PPP1R14C: variants seen among roughly 807,000 people sequenced by gnomAD.
PPP1R14C encodes protein phosphatase 1 regulatory subunit 14C.
PPP1R14C carries 16 observed loss-of-function variants against 20.4 expected under a neutral mutation model. The observed-to-expected ratio is 0.78, with a 90% CI of 0.53 to 1.19. The LOEUF is 1.19. Among genes scored for constraint, PPP1R14C ranks in the 50% most tolerant of loss-of-function variants. The pLI, the probability that PPP1R14C is intolerant of heterozygous loss-of-function variation, is 0.00. For synonymous variants in PPP1R14C, 91 were observed against 91.0 expected, an observed-to-expected ratio of 1.00 and a Z score of 0.00; for missense variants, 211 against 220.1, an observed-to-expected ratio of 0.96 and a Z score of 0.26.
At chr6:150,152,622 C>T (rs1191524053) in intron 1 of PPP1R14C, among the ~76,000 whole-genome samples, 1 of 151,998 alleles carries the variant, frequency 6.6e-6, no homozygotes, top group Non-Finnish European at 1.5e-5. Flanking sequence ...CTAGCTTGCA[C>T]CTGTTCTTAG....
At chr6:150,200,842 C>A (rs552364888) in intron 1 of PPP1R14C, among the ~76,000 whole-genome samples, 1 of 152,132 alleles carries the variant, frequency 6.6e-6, no homozygotes, top group East Asian at 1.9e-4. Context: ...TGAAAGCTGT[C>A]GTCATCCTCT....
chr6:150,143,226 G>C lies in PPP1R14C; in HGVS notation c.34G>C (p.Gly12Arg). 7.3e-7 allele frequency: 1 copy of C among 1,370,176 alleles called. No homozygotes were observed. Among genetic ancestry groups the C allele is most frequent in the South Asian group, 1.7e-5 (1 of 57,606 alleles). 84.9% of individuals were successfully genotyped at this position (1,370,176 alleles called of 1,614,324 possible). ...GGCGACGGGCAGCAGCGAGACGGCC[G>C]GCGGGGCCAGCGGCGGCGGCGCACG... ...SVATGSSETA[G>R]GASGGGARVF... Residue 12 changes from glycine to arginine, a missense_variant, in exon 1 of 4, where the codon GGC (glycine) becomes CGC (arginine). Transcript: ENST00000361131. This position sits in a 1 kb window ranked among gnomAD's most constrained non-coding sequence, Gnocchi z 5.6.
Position 150,164,421 on chromosome 6 carries a change from C to T in PPP1R14C, c.306+20923C>T, listed in dbSNP as rs114643706. ...TCAGCTTTTTCCTTTATATTTGGTACATTTTCAACCTATTTAAGAAAACTT... is the reference window on the plus strand; with the variant it reads ...TCAGCTTTTTCCTTTATATTTGGTATATTTTCAACCTATTTAAGAAAACTT... On this transcript the variant is annotated intron_variant, in intron 1 of 3. Transcript: ENST00000361131. 7.8e-3 allele frequency among the ~76,000 whole-genome samples: 1,195 copies of T among 152,260 alleles called. 13 individuals carry two copies. Among genetic ancestry groups the T allele is most frequent in the African/African-American group, 0.027 (1,127 of 41,534 alleles).
intron 3 of PPP1R14C, among the ~76,000 whole-genome samples, chr6:150,242,332 C>T (rs1778442001): frequency 2.6e-5 from 1 of 38,434 alleles, no homozygotes; most frequent in South Asian, 6.9e-4. Context: ...AAGAAATGTA[C>T]AGACAAGTAT....
chr6:150,144,776 G>A (rs1344668021), intron 1 of PPP1R14C, among the ~76,000 whole-genome samples: 2 of 152,240 alleles, frequency 1.3e-5, no homozygotes, highest in African/African-American at 4.8e-5. Context: ...TAATGGGGTT[G>A]TAAAAATGTG....
intron 1 of PPP1R14C, among the ~76,000 whole-genome samples, chr6:150,214,462 A>ACT (rs890994036): frequency 1.4e-5 from 2 of 138,818 alleles, no homozygotes; most frequent in African/African-American, 5.4e-5. Flanking sequence ...CTTTTCCCCT[A>ACT]CTCTCCTTTT....
intron 1 of PPP1R14C, among the ~76,000 whole-genome samples, chr6:150,208,380 T>C (rs1777980287): frequency 6.6e-6 from 1 of 152,190 alleles, no homozygotes. Context: ...ATCCTCCCTT[T>C]ATCCCCAGTG....
chr6:150,214,722 A>G (rs201680057), intron 1 of PPP1R14C, 22 bp from the exon 2 acceptor site: 1 of 1,596,810 alleles, frequency 6.3e-7, no homozygotes. Context: ...AAATGCCTTC[A>G]TATCCTCCCA....
intron 1 of PPP1R14C, among the ~76,000 whole-genome samples, chr6:150,194,306 T>C (rs1341638414): frequency 6.6e-6 from 1 of 152,256 alleles, no homozygotes; most frequent in Non-Finnish European, 1.5e-5. Context: ...CTTCCACTTA[T>C]CCCAAGAAAT....
At chr6:150,170,404 G>A (rs1222742655) in intron 1 of PPP1R14C, among the ~76,000 whole-genome samples, 4 of 151,176 alleles carry the variant, frequency 2.6e-5, no homozygotes, top group South Asian at 2.1e-4. Flanking sequence ...CTCACTGCAA[G>A]CTCTGCCTCC....
At chr6:150,182,423 T>G (rs1170250074) in intron 1 of PPP1R14C, among the ~76,000 whole-genome samples, 1 of 152,200 alleles carries the variant, frequency 6.6e-6, no homozygotes, top group Non-Finnish European at 1.5e-5. Context: ...GCCTACTTTC[T>G]GGTTTGCAGA....
chr6:150,242,872 G>A (rs1483832287), intron 3 of PPP1R14C, among the ~76,000 whole-genome samples: 2 of 152,024 alleles, frequency 1.3e-5, no homozygotes, highest in Non-Finnish European at 2.9e-5. Context: ...ATAAATATAT[G>A]AAAATCTATT....
intron 3 of PPP1R14C, among the ~76,000 whole-genome samples, chr6:150,231,058 A>C (rs1582930025): frequency 6.6e-6 from 1 of 152,212 alleles, no homozygotes; most frequent in African/African-American, 2.4e-5. Context: ...CATGGGCCCC[A>C]AGACGGACTA....
intron 1 of PPP1R14C, among the ~76,000 whole-genome samples, chr6:150,147,968 T>C (rs1777198363): frequency 6.6e-6 from 1 of 152,218 alleles, no homozygotes; most frequent in South Asian, 2.1e-4. Context: ...CAGAGAGTCA[T>C]AGGGTACCAC....
intron 1 of PPP1R14C, among the ~76,000 whole-genome samples, chr6:150,171,196 A>G (rs1178839698): frequency 6.6e-6 from 1 of 152,184 alleles, no homozygotes. Context: ...TGTACCCACC[A>G]TGGTAGTTTA....
chr6:150,164,605 T>A (rs138966100), intron 1 of PPP1R14C: 1 of 188,972 alleles, frequency 5.3e-6, no homozygotes, highest in Non-Finnish European at 1.2e-5. Context: ...GTTCATAGCA[T>A]GATGATTGGG....
chr6:150,210,566 G>A (rs1003823999), intron 1 of PPP1R14C, among the ~76,000 whole-genome samples: 1 of 152,152 alleles, frequency 6.6e-6, no homozygotes, highest in Non-Finnish European at 1.5e-5. Context: ...TGGAGCCATG[G>A]AGCCTTCAGT....
At chr6:150,180,996 G>C (rs1305365449) in intron 1 of PPP1R14C, among the ~76,000 whole-genome samples, 1 of 152,212 alleles carries the variant, frequency 6.6e-6, no homozygotes, top group East Asian at 1.9e-4. Context: ...CTGGATGAGA[G>C]AAAGGTAGAG....
At position 150,235,190 on chromosome 6, in the gene PPP1R14C, A is replaced by G. The variant is rs1778344481; in HGVS notation, c.424-13556A>G. The stretch of plus-strand genomic sequence containing the variant: ...GCAGCCTCGAAATCCTTGGGCTCAA[A>G]TGATCCTCCTGCCTCAGTCTCCTGA... On this transcript the variant is annotated intron_variant, in intron 3 of 3. Coordinates refer to ENST00000361131, the MANE Select transcript of PPP1R14C (RefSeq NM_030949.3). Among the ~76,000 whole-genome samples, 5 of 152,318 alleles carry G rather than the reference A, an allele frequency of 3.3e-5. No individual in the cohort carries two copies. In the South Asian group the frequency reaches 1.0e-3, roughly 32 times the overall value.
Sources: allele counts gnomAD v4.1 joint callset (sites outside exome capture counted in the v4.1 genomes callset), GRCh38; gene constraint gnomAD v4.1.1; non-coding constraint Gnocchi (gnomAD v3.1); transcripts MANE v1.5; gene names NCBI Gene and HGNC (gene_info 2026-07-23, HGNC 2026-07-21).